Variants in DDX60L observed in about 807,000 individuals in gnomAD.
DDX60L encodes probable ATP-dependent RNA helicase DDX60-like.
Under a neutral mutation model 211.6 loss-of-function variants are expected in DDX60L, and 191 were observed. The observed-to-expected ratio is 0.90, with a 90% CI of 0.80 to 1.02. The LOEUF (loss-of-function observed/expected upper bound fraction) is 1.02, where lower values mean the gene tolerates loss of function less well. Among genes scored for constraint, DDX60L ranks in the 50% least tolerant of loss-of-function variants. The pLI is 0.00. For missense variants in DDX60L, 2,007 were observed against 1,984.1 expected, an observed-to-expected ratio of 1.01 and a Z score of -0.22; for synonymous variants, 706 against 694.1, an observed-to-expected ratio of 1.02 and a Z score of -0.27.
chr4:168,463,092 C>T (rs1757534882), intron 4 of DDX60L, among the ~76,000 whole-genome samples: 1 of 152,120 alleles, frequency 6.6e-6, no homozygotes, highest in Admixed American at 6.5e-5. Flanking sequence ...GTGGCAATTC[C>T]TGAAAGATCT....
chr4:168,361,509 C>A, intron 36 of DDX60L: 1 of 195,332 alleles, frequency 5.1e-6, no homozygotes. Flanking sequence ...AGTTGATAGA[C>A]TAATATTATT....
chr4:168,408,604 G>C (rs1032504062), intron 22 of DDX60L, among the ~76,000 whole-genome samples: 1 of 149,714 alleles, frequency 6.7e-6, no homozygotes, highest in Non-Finnish European at 1.5e-5. Context: ...ATACCACAAT[G>C]CTCCTTTTGA....
chr4:168,387,365 A>G (rs1744084829), intron 29 of DDX60L, among the ~76,000 whole-genome samples: 1 of 152,264 alleles, frequency 6.6e-6, no homozygotes, highest in African/African-American at 2.4e-5. Context: ...CCACTCAGTC[A>G]GAGCTCAACT....
At position 168,391,940 on chromosome 4, in the gene DDX60L, G is replaced by A. The variant is rs1158576102; in HGVS notation, c.3811-296C>T. On this transcript the variant is annotated intron_variant, in intron 28 of 37. Coordinates refer to ENST00000682922, the MANE Select transcript of DDX60L (RefSeq NM_001012967.3). ...GTCCAAAAAGACTTCCTGCACCATC[G>A]TTTCTAAAATAACCATGTTTACTTG... Among the ~76,000 whole-genome samples, 5 of 151,988 alleles carry A rather than the reference G, an allele frequency of 3.3e-5. No individual in the cohort carries two copies. The South Asian group carries it at 1.0e-3, about 32-fold the overall frequency.
chr4:168,387,460 C>T (rs1448794080), intron 29 of DDX60L, among the ~76,000 whole-genome samples: 1 of 152,232 alleles, frequency 6.6e-6, no homozygotes, highest in Admixed American at 6.5e-5. Context: ...AGAACTTTCC[C>T]TATTTAGGCC....
At position 168,412,213 on chromosome 4, in the gene DDX60L, G is replaced by A. The variant is rs2149823113; in HGVS notation, c.2979+3195C>T. ...TTCTGCTTGAAGAAAAGAGAGGGAA[G>A]AGTAAATGGGACTTTGTCTTGCAGC... On this transcript the variant is annotated intron_variant, in intron 22 of 37. Coordinates refer to ENST00000682922, the MANE Select transcript of DDX60L (RefSeq NM_001012967.3). 2.0e-5 allele frequency among the ~76,000 whole-genome samples: 3 copies of A among 151,880 alleles called. No homozygotes were observed. In the Middle Eastern group the frequency reaches 0.01, roughly 517 times the overall value.
At chr4:168,479,818 TAAAA>T (rs1760154303) in intron 1 of DDX60L, among the ~76,000 whole-genome samples, 1 of 148,206 alleles carries the variant, frequency 6.7e-6, no homozygotes, top group African/African-American at 2.5e-5. Flanking sequence ...AAATAAAAAA[TAAAA>T]AATAAAAAAA....
At chr4:168,439,862 C>A (rs1265635699) in intron 10 of DDX60L, among the ~76,000 whole-genome samples, 1 of 152,168 alleles carries the variant, frequency 6.6e-6, no homozygotes, top group Non-Finnish European at 1.5e-5. Flanking sequence ...TAACCCCTCT[C>A]TCACACCATA....
intron 26 of DDX60L, among the ~76,000 whole-genome samples, chr4:168,399,293 C>A (rs1746374085): frequency 6.6e-6 from 1 of 152,076 alleles, no homozygotes; most frequent in Non-Finnish European, 1.5e-5. Context: ...GACCTAGGAG[C>A]TCCCCAAGCC....
Position 168,461,455 on chromosome 4 carries a change from A to C in DDX60L, c.606+244T>G, listed in dbSNP as rs192918377. ...ATACCACAATTAGATATGAATAGAT[A>C]GATATAATAATGCTACAAACCTTAT... On this transcript the variant is annotated intron_variant, in intron 5 of 37. Transcript: ENST00000682922. 2.1e-4 allele frequency among the ~76,000 whole-genome samples: 32 copies of C among 152,348 alleles called. No individual in the cohort carries two copies. In the East Asian group the frequency reaches 6.0e-3, roughly 28 times the overall value.
chr4:168,360,320 C>G (rs1268285332), intron 37 of DDX60L, among the ~76,000 whole-genome samples: 1 of 152,146 alleles, frequency 6.6e-6, no homozygotes, highest in African/African-American at 2.4e-5. Context: ...TCTCAGGCTA[C>G]TCAAAGAGGT....
intron 1 of DDX60L, among the ~76,000 whole-genome samples, chr4:168,479,500 G>T (rs1192005038): frequency 6.6e-6 from 1 of 152,118 alleles, no homozygotes; most frequent in Non-Finnish European, 1.5e-5. Context: ...CAGTCATTAG[G>T]AGCTTTCATA....
At chr4:168,435,159 G>A (rs570650622) in intron 10 of DDX60L, among the ~76,000 whole-genome samples, 1 of 152,150 alleles carries the variant, frequency 6.6e-6, no homozygotes, top group Non-Finnish European at 1.5e-5. Context: ...TTTCTCTCAA[G>A]TTCATCTCAC....
At chr4:168,438,692 T>C (rs1426732121) in intron 10 of DDX60L, among the ~76,000 whole-genome samples, 1 of 152,120 alleles carries the variant, frequency 6.6e-6, no homozygotes, top group Non-Finnish European at 1.5e-5. Flanking sequence ...ACAGCAACCC[T>C]GGAAAAGGAG....
chr4:168,415,825 T>A, intron 20 of DDX60L, 26 bp from the exon 21 acceptor site: 1 of 1,461,600 alleles, frequency 6.8e-7, no homozygotes, highest in Non-Finnish European at 9.1e-7. Context: ...TGCATATAAT[T>A]TAAATAAAAT....
rs1329498687 is a variant in DDX60L at position 168,457,909 on chromosome 4, T to C, written c.706A>G (p.Asn236Asp). The C allele has an allele frequency of 1.3e-6, 2 of 1,545,228 alleles. No individual in the cohort carries two copies. The highest frequency in any genetic ancestry group is 2.3e-5 in the East Asian group (1 of 42,610). ...TTTAATACCTCTTCCATCATATCAT[T>C]CCATTTCAAATGTTCAAAATGAGTT... is the stretch of plus-strand genomic sequence containing the variant. ...LATHFEHLKW[N>D]DMMEEAYQTL... The change falls in exon 6 of 38, where the codon AAT (asparagine) becomes GAT (aspartate). Residue 236 changes from asparagine to aspartate, a missense_variant. Coordinates refer to ENST00000682922, the MANE Select transcript of DDX60L (RefSeq NM_001012967.3).
At chr4:168,366,630 A>AC (rs397831073) in intron 36 of DDX60L, among the ~76,000 whole-genome samples, 1 of 151,794 alleles carries the variant, frequency 6.6e-6, no homozygotes, top group African/African-American at 2.4e-5. Context: ...AGGAAAAAAA[A>AC]TCCTAAAATT....
At chr4:168,393,633 C>A (rs1745243546) in intron 28 of DDX60L, among the ~76,000 whole-genome samples, 1 of 152,118 alleles carries the variant, frequency 6.6e-6, no homozygotes, top group Non-Finnish European at 1.5e-5. Flanking sequence ...TAACATAAAG[C>A]ATTTAACTAT....
Position 168,379,844 on chromosome 4 carries a change from G to T in DDX60L, c.4117-14C>A. 6.4e-7 allele frequency: 1 copy of T among 1,563,288 alleles called. No individual in the cohort carries two copies. Reference sequence around the variant, plus strand: ...CACTGACAACACCTATAAAAGAAGAGTACTTTAATTTATCTAGTTTTAAAC... The same window carrying T: ...CACTGACAACACCTATAAAAGAAGATTACTTTAATTTATCTAGTTTTAAAC... On this transcript the variant is annotated splice_polypyrimidine_tract_variant and intron_variant, in intron 30 of 37. Transcript: ENST00000682922.
Sources: gnomAD v4.1 joint callset for allele counts (sites outside exome capture counted in the v4.1 genomes callset) on GRCh38, gnomAD v4.1.1 for gene constraint, MANE v1.5 for transcripts, NCBI Gene and HGNC (gene_info 2026-07-23, HGNC 2026-07-21) for gene names.